The following CXADR variants were observed in gnomAD, a reference collection of about 807,000 sequenced individuals.
CXADR encodes CXADR cell adhesion molecule, also known as coxsackievirus and adenovirus receptor.
A neutral mutation model predicts 40.3 loss-of-function variants in CXADR; 20 were observed. That is an observed-to-expected ratio of 0.50 (90% CI 0.35 to 0.72). The LOEUF (loss-of-function observed/expected upper bound fraction) is 0.72. Among genes scored for constraint, CXADR ranks in the 30% least tolerant of loss-of-function variants. CXADR has a pLI of 0.01. For synonymous variants in CXADR, 150 were observed against 161.3 expected, an observed-to-expected ratio of 0.93 and a Z score of 0.53; for missense variants, 332 against 449.1, an observed-to-expected ratio of 0.74 and a Z score of 2.36.
At chr21:17,514,346 C>A (rs2060431231) in intron 1 of CXADR, among the ~76,000 whole-genome samples, 1 of 152,022 alleles carries the variant, frequency 6.6e-6, no homozygotes, top group Non-Finnish European at 1.5e-5. Flanking sequence ...ATTCTATTAG[C>A]AAGTCTAATC....
At chr21:17,591,042 C>T (rs1000447677) in intron 7 of CXADR, among the ~76,000 whole-genome samples, 31 of 152,028 alleles carry the variant, frequency 2.0e-4, no homozygotes, top group Non-Finnish European at 3.8e-4. Flanking sequence ...AATTTACCTT[C>T]GCACTGGTTC....
At chr21:17,519,049 C>G in intron 1 of CXADR, 1 of 1,238,232 alleles carries the variant, frequency 8.1e-7, no homozygotes, top group Admixed American at 1.8e-5. Flanking sequence ...GCGGCAAGAG[C>G]AAGATGGCTG....
intron 7 of CXADR, among the ~76,000 whole-genome samples, chr21:17,589,600 C>A (rs902016759): frequency 2.6e-5 from 4 of 151,438 alleles, no homozygotes; most frequent in Non-Finnish European, 4.4e-5. Context: ...TTTTATTCTA[C>A]TCTTTTTTAA....
intron 1 of CXADR, among the ~76,000 whole-genome samples, chr21:17,525,972 TTTTG>T (rs1351341632): frequency 6.6e-6 from 1 of 152,236 alleles, no homozygotes; most frequent in Non-Finnish European, 1.5e-5. Context: ...AAACAATATA[TTTTG>T]TTTAACACAA....
At chr21:17,570,891 A>G (rs1479835815), downstream of CXADR, among the ~76,000 whole-genome samples, 1 of 152,178 alleles carries the variant, frequency 6.6e-6, no homozygotes, top group Admixed American at 6.5e-5. Context: ...GGGTTTCTCA[A>G]CCAGCACTAT....
chr21:17,581,830 AG>A (rs36035413), intron 7 of CXADR, among the ~76,000 whole-genome samples: 151,338 of 151,342 alleles, frequency 1, 75,667 homozygotes, highest in Middle Eastern at 1. Flanking sequence ...GGGGTGACAA[AG>A]GCTAAGACTC....
chr21:17,567,688 T>A lies in CXADR; in HGVS notation c.*1996T>A, dbSNP rs1175041999. On this transcript the variant is annotated 3_prime_UTR_variant, in exon 7 of 7. Coordinates refer to ENST00000284878, the MANE Select transcript of CXADR (RefSeq NM_001338.5). Reference sequence around the variant, plus strand: ...ATTTTTGAAAGTCAGATGTTTGGCCTGTTTTATATGAATAAAGTTTATTTA... The same window carrying A: ...ATTTTTGAAAGTCAGATGTTTGGCCAGTTTTATATGAATAAAGTTTATTTA... The A allele has an allele frequency of 3.3e-6, 3 of 906,832 alleles. No individual in the cohort carries two copies. In the African/African-American group the frequency reaches 5.3e-5, roughly 16 times the overall value. The allele number at this position is 906,832 out of a possible 1,614,324, so 56.2% of individuals were successfully genotyped here. A position where few individuals can be genotyped will look rare whatever the true frequency, so the allele number is the denominator to read the frequency against.
At chr21:17,581,896 T>C (rs1218393124) in intron 7 of CXADR, among the ~76,000 whole-genome samples, 2 of 42 alleles carry the variant, frequency 0.048, no homozygotes, top group Non-Finnish European at 0.11. Context: ...TCCTTTGTAC[T>C]AGTAGTCTGG....
chr21:17,572,280 T>C (rs796522914), downstream of CXADR, among the ~76,000 whole-genome samples: 52 of 147,600 alleles, frequency 3.5e-4, no homozygotes, highest in African/African-American at 1.3e-3. Context: ...CTGAATGGGA[T>C]GATTGCTTGA....
At chr21:17,520,224 G>A (rs1392331730) in intron 1 of CXADR, among the ~76,000 whole-genome samples, 6 of 152,086 alleles carry the variant, frequency 3.9e-5, no homozygotes, top group Non-Finnish European at 8.8e-5. Context: ...AATAGAACAT[G>A]ACATTGCAAG....
the CXADR span, among the ~76,000 whole-genome samples, chr21:17,600,836 C>T: frequency 6.6e-6 from 1 of 152,106 alleles, no homozygotes; most frequent in Non-Finnish European, 1.5e-5. Flanking sequence ...TACATAACTT[C>T]GCTTTTGTAT....
intron 1 of CXADR, among the ~76,000 whole-genome samples, chr21:17,523,722 T>C (rs1403105911): frequency 6.6e-6 from 1 of 152,132 alleles, no homozygotes; most frequent in African/African-American, 2.4e-5. Context: ...AGAAAACAAT[T>C]AAAAATTATC....
chr21:17,533,261 T>A (rs866688567), intron 1 of CXADR, among the ~76,000 whole-genome samples: 1 of 152,128 alleles, frequency 6.6e-6, no homozygotes, highest in Admixed American at 6.5e-5. Flanking sequence ...TTTCTGTTTT[T>A]CCAAAAAAAG....
chr21:17,529,456 G>A (rs183902536), intron 1 of CXADR, among the ~76,000 whole-genome samples: 2 of 152,256 alleles, frequency 1.3e-5, no homozygotes, highest in Admixed American at 1.3e-4. Flanking sequence ...GAACAGCTGG[G>A]ATTACAGGCA....
intron 6 of CXADR, among the ~76,000 whole-genome samples, chr21:17,563,385 G>A (rs1176901736): frequency 1.3e-5 from 2 of 151,890 alleles, no homozygotes; most frequent in African/African-American, 2.4e-5. Context: ...CAATATCATT[G>A]TGTCTCAGGG....
chr21:17,526,364 A>C (rs116583682), intron 1 of CXADR, among the ~76,000 whole-genome samples: 1 of 152,046 alleles, frequency 6.6e-6, no homozygotes, highest in Admixed American at 6.6e-5. Context: ...CTTATTTCTT[A>C]CTTAATCTCT....
At chr21:17,595,621 G>C (rs1314563033), downstream of CXADR, among the ~76,000 whole-genome samples, 1 of 151,728 alleles carries the variant, frequency 6.6e-6, no homozygotes, top group Non-Finnish European at 1.5e-5. Flanking sequence ...AGATAGTATA[G>C]CAATGACTAT....
At chr21:17,550,351 C>CAAAA (rs34284825) in intron 2 of CXADR, among the ~76,000 whole-genome samples, 4 of 130,750 alleles carry the variant, frequency 3.1e-5, no homozygotes, top group Non-Finnish European at 4.8e-5. Flanking sequence ...AAGACTGTCT[C>CAAAA]AAAAAAAAAA....
intron 6 of CXADR, 104 bp from the exon 7 acceptor site, chr21:17,565,324 T>C: frequency 1.6e-6 from 2 of 1,234,696 alleles, no homozygotes; most frequent in Non-Finnish European, 2.3e-6. Flanking sequence ...CTTTTATATG[T>C]TTAGTACCTA....
Sources: allele counts gnomAD v4.1 joint callset (sites outside exome capture counted in the v4.1 genomes callset), GRCh38; gene constraint gnomAD v4.1.1; transcripts MANE v1.5; gene names NCBI Gene and HGNC (gene_info 2026-07-23, HGNC 2026-07-21).